Variants in UGDH observed in about 807,000 individuals in gnomAD.
UGDH encodes the protein UDP-glucose 6-dehydrogenase, also known as UDP-Glc dehydrogenase.
UGDH carries 38 observed loss-of-function variants against 50.6 expected under a neutral mutation model. The ratio of observed to expected loss-of-function variants is 0.75; its 90% confidence interval spans 0.58 to 0.98. The LOEUF (loss-of-function observed/expected upper bound fraction) is 0.98, where lower values mean the gene tolerates loss of function less well. UGDH is among the 50% of genes least tolerant of loss of function. UGDH has a pLI of 0.00. For synonymous variants in UGDH, 168 were observed against 199.9 expected (o/e 0.84, Z 1.35); for missense variants, 465 against 606.2 (o/e 0.77, Z 2.45).
chr4:39,502,240 T>G (rs149866585), intron 11 of UGDH, among the ~76,000 whole-genome samples: 26 of 152,310 alleles, frequency 1.7e-4, no homozygotes, highest in African/African-American at 5.8e-4. Flanking sequence ...AGTCATGTTG[T>G]TACTCACTAG....
chr4:39,518,155 C>A (rs983070937), intron 2 of UGDH, among the ~76,000 whole-genome samples: 3 of 151,772 alleles, frequency 2.0e-5, no homozygotes, highest in Non-Finnish European at 4.4e-5. Context: ...GGTTTAGAAC[C>A]CCTGACCTCA....
intron 2 of UGDH, among the ~76,000 whole-genome samples, chr4:39,519,123 G>A (rs1310136786): frequency 6.6e-6 from 1 of 151,850 alleles, no homozygotes; most frequent in Non-Finnish European, 1.5e-5. Context: ...TGCCATGTTG[G>A]CCAGGCTGGT....
intron 8 of UGDH, 89 bp from the exon 9 acceptor site, chr4:39,505,459 T>A (rs1478974874): frequency 8.1e-7 from 1 of 1,241,924 alleles, no homozygotes. Context: ...AAAATTATAT[T>A]TCTGAAGCTG....
chr4:39,500,488 C>T (rs1347902600), intron 11 of UGDH, among the ~76,000 whole-genome samples: 1 of 152,116 alleles, frequency 6.6e-6, no homozygotes, highest in African/African-American at 2.4e-5. Context: ...CCATTCCCCA[C>T]ACCTGACTCC....
chr4:39,511,561 C>A (rs533879956), intron 3 of UGDH, among the ~76,000 whole-genome samples: 1 of 152,028 alleles, frequency 6.6e-6, no homozygotes, highest in African/African-American at 2.4e-5. Flanking sequence ...CCGCACCTGG[C>A]CTCCTTTCTT....
Position 39,521,372 on chromosome 4 carries a change from A to G in UGDH, c.141T>C (p.Ser47=), listed in dbSNP as rs1418534154. ...TTACCTCATAAATAGGAAGTGTAGG[A>G]GAATTCCACGCATTGATTCTTGATT... ...VNESRINAWN[S]PTLPIYEPGL... The change falls in exon 2 of 12, where the codon TCT becomes TCC. Residue 47 remains serine (S), a synonymous_variant. Coordinates refer to ENST00000316423, the MANE Select transcript of UGDH (RefSeq NM_003359.4). 1.9e-6 allele frequency: 3 copies of G among 1,610,046 alleles called. No homozygotes were observed. The highest frequency in any genetic ancestry group is 2.5e-6 in the Non-Finnish European group (3 of 1,178,390).
rs761878107 is a variant in UGDH at position 39,499,771 on chromosome 4, C to CTA, written c.*371_*372insTA. Reference sequence around the variant, plus strand: ...ATGGGCCAGGCGTGGTGGCTCACACCTGTAATCCCAGCACTTTGGGAGGCC... The same window carrying CTA: ...ATGGGCCAGGCGTGGTGGCTCACACCTATGTAATCCCAGCACTTTGGGAGGCC... On this transcript the variant is annotated 3_prime_UTR_variant, in exon 12 of 12. Transcript: ENST00000316423. The CTA allele has an allele frequency of 1.3e-4, 21 of 160,938 alleles. No homozygotes were observed. Among genetic ancestry groups the CTA allele is most frequent in the Non-Finnish European group, 2.2e-4 (16 of 73,496 alleles). The allele number at this position is 160,938 out of a possible 1,614,324, so 10.0% of individuals were successfully genotyped here.
intron 10 of UGDH, 46 bp from the exon 11 acceptor site, chr4:39,504,031 G>T (rs542618413): frequency 1.3e-6 from 2 of 1,527,020 alleles, no homozygotes; most frequent in Non-Finnish European, 1.8e-6. Context: ...TACGTGGGCC[G>T]GGCGGAGTGG....
At chr4:39,506,840 C>T (rs889341571) in intron 7 of UGDH, among the ~76,000 whole-genome samples, 2 of 152,124 alleles carry the variant, frequency 1.3e-5, no homozygotes, top group Admixed American at 6.6e-5. Flanking sequence ...TGGAATGACA[C>T]TAATTGTATC....
chr4:39,519,800 A>G (rs1228263290), intron 2 of UGDH, among the ~76,000 whole-genome samples: 6 of 152,146 alleles, frequency 3.9e-5, no homozygotes, highest in Admixed American at 3.9e-4. Context: ...TTGGTCTTCC[A>G]AAGTGCTAGG....
At chr4:39,511,337 T>G (rs1264889139) in intron 3 of UGDH, among the ~76,000 whole-genome samples, 2 of 151,464 alleles carry the variant, frequency 1.3e-5, no homozygotes, top group African/African-American at 2.4e-5. Context: ...CTCGGCTCAC[T>G]GCAACCTCTG....
rs533866554 is a variant in UGDH, at chr4:39,510,966, C to T, written c.265-105G>A. 4.8e-5 allele frequency: 51 copies of T among 1,063,810 alleles called. No individual in the cohort carries two copies. In the East Asian group the frequency reaches 1.1e-3, roughly 23 times the overall value. The allele number at this position is 1,063,810 out of a possible 1,614,324, so 65.9% of individuals were successfully genotyped here. A position where few individuals can be genotyped will look rare whatever the true frequency, so the allele number is the denominator to read the frequency against. On this transcript the variant is annotated intron_variant, in intron 3 of 11. Coordinates refer to ENST00000316423, the MANE Select transcript of UGDH (RefSeq NM_003359.4). ...GTGTGGAGTTAACAATCATCAGTAGCCCTGATTTAATCCTCTGTTAGTTCC... is the reference window on the plus strand; with the variant it reads ...GTGTGGAGTTAACAATCATCAGTAGTCCTGATTTAATCCTCTGTTAGTTCC...
chr4:39,510,377 A>G lies in UGDH; in HGVS notation c.639T>C (p.Thr213=). The change falls in exon 5 of 12, where the codon ACT becomes ACC. Residue 213 remains threonine, a synonymous_variant. Coordinates refer to ENST00000316423, the MANE Select transcript of UGDH (RefSeq NM_003359.4). ...VPREKILTTN[T]WSSELSKLAA... ...CCAGTTTGGAAAGCTCTGAAGACCA[A>G]GTATTAGTGGTGAGGATCTTTTCTC... 1 of 1,614,228 alleles carries G rather than the reference A, an allele frequency of 6.2e-7. No individual in the cohort carries two copies. Among genetic ancestry groups the G allele is most frequent in the South Asian group, 1.1e-5 (1 of 91,082 alleles).
chr4:39,508,678 T>C lies in UGDH; in HGVS notation c.812-18A>G. 1.3e-6 allele frequency: 2 copies of C among 1,579,264 alleles called. No homozygotes were observed. Among genetic ancestry groups the C allele is most frequent in the Non-Finnish European group, 1.7e-6 (2 of 1,169,496 alleles). ...ACCAAACCCTGCAGAAAGAAAAAAATGAACAATATTTTCATGTAAGAACGA... is the reference window on the plus strand; with the variant it reads ...ACCAAACCCTGCAGAAAGAAAAAAACGAACAATATTTTCATGTAAGAACGA... On this transcript the variant is annotated intron_variant, in intron 6 of 11. Transcript: ENST00000316423.
chr4:39,515,286 T>G (rs1407498725), intron 2 of UGDH, among the ~76,000 whole-genome samples: 1 of 152,194 alleles, frequency 6.6e-6, no homozygotes, highest in Non-Finnish European at 1.5e-5. Context: ...ATCAACACAA[T>G]TTTCAGAAAA....
At chr4:39,525,029 G>A (rs1270475958) in intron 1 of UGDH, among the ~76,000 whole-genome samples, 1 of 152,194 alleles carries the variant, frequency 6.6e-6, no homozygotes, top group Admixed American at 6.5e-5. Context: ...ACGGCTTACC[G>A]ATGACAATGG....
intron 1 of UGDH, chr4:39,526,982 G>A (rs1459643829): frequency 7.8e-7 from 1 of 1,284,262 alleles, no homozygotes; most frequent in East Asian, 5.6e-5. Flanking sequence ...CGGCTTTGGA[G>A]GCGGCAGGGA....
chr4:39,508,662 T>C lies in UGDH; in HGVS notation c.812-2A>G. 9 of 1,584,650 alleles carry C rather than the reference T, an allele frequency of 5.7e-6. No homozygotes were observed. The highest frequency in any genetic ancestry group is 7.7e-6 in the Non-Finnish European group (9 of 1,172,532). On this transcript the variant is annotated splice_acceptor_variant, in intron 6 of 11. Coordinates refer to ENST00000316423, the MANE Select transcript of UGDH (RefSeq NM_003359.4). LOFTEE classifies it high-confidence loss of function. ...TTTGGAAACAGCTCCCACCAAACCC[T>C]GCAGAAAGAAAAAAATGAACAATAT... is the stretch of plus-strand genomic sequence containing the variant.
chr4:39,503,868 T>C lies in UGDH; in HGVS notation c.1374+7A>G. On this transcript the variant is annotated splice_region_variant and intron_variant, in intron 11 of 11. Transcript: ENST00000316423. ...AAAGAAAAAAAACAATCCAGGATCA[T>C]GATTACCTGGAAGCCAATGGTTTGT... 6.2e-7 allele frequency: 1 copy of C among 1,610,828 alleles called. No homozygotes were observed. Among genetic ancestry groups the C allele is most frequent in the Middle Eastern group, 1.7e-4 (1 of 6,056 alleles).
Sources: allele counts gnomAD v4.1 joint callset (sites outside exome capture counted in the v4.1 genomes callset), GRCh38; gene constraint gnomAD v4.1.1; transcripts MANE v1.5; gene names NCBI Gene and HGNC (gene_info 2026-07-23, HGNC 2026-07-21).